Variants in BLTP1 observed in about 807,000 individuals in gnomAD.
The protein encoded by BLTP1 is fragile site-associated protein.
the BLTP1 span, chr4:122,343,910 C>A: frequency 1.1e-6 from 1 of 890,334 alleles, no homozygotes; most frequent in Non-Finnish European, 1.3e-6. Context: ...CTTAGCAAAT[C>A]ACTGTCCATT....
At chr4:122,242,935 A>G in the BLTP1 span, 2 of 969,790 alleles carry the variant, frequency 2.1e-6, no homozygotes, top group Non-Finnish European at 3.3e-6. Context: ...TACATATATC[A>G]GTTGATATCA....
At chr4:122,207,971 TC>T in the BLTP1 span, 1 of 984,380 alleles carries the variant, frequency 1.0e-6, no homozygotes, top group Non-Finnish European at 1.2e-6. Flanking sequence ...TTTATTTGAT[TC>T]TTAATTGTAA....
the BLTP1 span, chr4:122,352,956 A>G: frequency 9.4e-4 from 1,509 of 1,613,736 alleles, no homozygotes; most frequent in Non-Finnish European, 1.2e-3. Context: ...AGGTGGTATC[A>G]GGATGCCACA....
At chr4:122,245,624 A>C in the BLTP1 span, among the ~76,000 whole-genome samples, 2 of 152,192 alleles carry the variant, frequency 1.3e-5, no homozygotes, top group African/African-American at 4.8e-5. Flanking sequence ...CCAGTTGCTT[A>C]GCAGTCATAT....
At chr4:122,170,164 G>A in the BLTP1 span, 1 of 317,592 alleles carries the variant, frequency 3.1e-6, no homozygotes, top group African/African-American at 2.2e-5. Flanking sequence ...AAATTAGCCA[G>A]GCGTGGTGAC....
the BLTP1 span, among the ~76,000 whole-genome samples, chr4:122,160,565 G>A: frequency 6.6e-6 from 1 of 152,150 alleles, no homozygotes; most frequent in East Asian, 1.9e-4. Flanking sequence ...CATAGAATTG[G>A]AAGGAACTTC....
the BLTP1 span, chr4:122,314,114 T>C: frequency 1.0e-6 from 1 of 984,826 alleles, no homozygotes; most frequent in Non-Finnish European, 1.2e-6. Flanking sequence ...GAAAACTTCA[T>C]GGAGGGACAA....
chr4:122,178,896 G>T, the BLTP1 span, among the ~76,000 whole-genome samples: 2 of 152,022 alleles, frequency 1.3e-5, no homozygotes, highest in Admixed American at 1.3e-4. Flanking sequence ...AAATTTTAAG[G>T]TTGAACAAAA....
chr4:122,337,317 GCTTAC>G, the BLTP1 span, among the ~76,000 whole-genome samples: 1 of 152,092 alleles, frequency 6.6e-6, no homozygotes, highest in Non-Finnish European at 1.5e-5. Flanking sequence ...GCTTAAACTA[GCTTAC>G]CTTAAATGTG....
the BLTP1 span, chr4:122,343,403 A>G: frequency 6.2e-7 from 1 of 1,612,916 alleles, no homozygotes; most frequent in Non-Finnish European, 8.5e-7. Context: ...TCCTGTGCTC[A>G]CTGTAGGTTC....
the BLTP1 span, chr4:122,251,415 AC>A: frequency 2.2e-6 from 2 of 891,156 alleles, no homozygotes; most frequent in Non-Finnish European, 2.7e-6. Flanking sequence ...ACTCACCTTT[AC>A]CCCCCAGATT....
the BLTP1 span, among the ~76,000 whole-genome samples, chr4:122,296,534 C>A: frequency 2.6e-5 from 4 of 152,294 alleles, no homozygotes; most frequent in African/African-American, 9.6e-5. Context: ...ATTAAACTAC[C>A]ATTGGCATTC....
chr4:122,248,945 GA>G, the BLTP1 span: 1 of 298,144 alleles, frequency 3.4e-6, no homozygotes. Context: ...AGAGAGAAAT[GA>G]AAAAAGTAAG....
At chr4:122,328,042 A>G in the BLTP1 span, 2 of 1,229,114 alleles carry the variant, frequency 1.6e-6, no homozygotes, top group Non-Finnish European at 2.2e-6. Context: ...TTAAATTTAT[A>G]TATTTTTTCT....
At chr4:122,282,712 C>T in the BLTP1 span, among the ~76,000 whole-genome samples, 1 of 152,062 alleles carries the variant, frequency 6.6e-6, no homozygotes, top group South Asian at 2.1e-4. Context: ...CATTCTTTTG[C>T]TTTCCCATAT....
At chr4:122,205,503 CT>C in the BLTP1 span, among the ~76,000 whole-genome samples, 3 of 146,670 alleles carry the variant, frequency 2.0e-5, no homozygotes, top group Non-Finnish European at 4.5e-5. Flanking sequence ...AATTGTTTCT[CT>C]CTCTCTCTCT....
chr4:122,173,896 A>T, the BLTP1 span, among the ~76,000 whole-genome samples: 1 of 152,200 alleles, frequency 6.6e-6, no homozygotes, highest in East Asian at 1.9e-4. Flanking sequence ...ATTCAAAGAA[A>T]GTTTTTCATG....
chr4:122,272,553 C>T, the BLTP1 span: 1 of 622,886 alleles, frequency 1.6e-6, no homozygotes, highest in African/African-American at 1.9e-5. Flanking sequence ...TCTGAGGTAC[C>T]AAGAACTTTG....
At chr4:122,264,567 G>A in the BLTP1 span, 1,399 of 616,154 alleles carry the variant, frequency 2.3e-3, 20 homozygotes, top group African/African-American at 0.025. Context: ...ATGCAAAACA[G>A]GAGGAGCCTT....
Sources: allele counts gnomAD v4.1 joint callset (sites outside exome capture counted in the v4.1 genomes callset), GRCh38; gene constraint gnomAD v4.1.1; transcripts MANE v1.5; gene names NCBI Gene and HGNC (gene_info 2026-07-23, HGNC 2026-07-21).